Variants in AGAP1 observed in about 807,000 individuals in gnomAD.
The protein encoded by AGAP1 is ArfGAP with GTPase domain, ankyrin repeat and PH domain 1, also known as arf-GAP with GTPase, ANK repeat and PH domain-containing protein 1.
AGAP1 carries 29 observed loss-of-function variants against 105.3 expected under a neutral mutation model. The ratio of observed to expected loss-of-function variants is 0.28; its 90% CI spans 0.21 to 0.38. The LOEUF is 0.38. Among genes scored for constraint, AGAP1 ranks in the 10% least tolerant of loss-of-function variants. The pLI is 1.00. For missense variants in AGAP1, 998 were observed against 1,165.1 expected, an observed-to-expected ratio of 0.86 and a Z score of 2.09; for synonymous variants, 509 against 485.9, an observed-to-expected ratio of 1.05 and a Z score of -0.63.
chr2:235,932,777 G>T (rs375912624), intron 12 of AGAP1, among the ~76,000 whole-genome samples: 4 of 152,160 alleles, frequency 2.6e-5, no homozygotes, highest in African/African-American at 9.7e-5. Context: ...GTACGTATGT[G>T]CAGTGGGCGT....
intron 11 of AGAP1, among the ~76,000 whole-genome samples, chr2:235,913,011 A>G (rs539328199): frequency 3.9e-5 from 6 of 152,232 alleles, no homozygotes; most frequent in Non-Finnish European, 8.8e-5. Context: ...CTCCTTGTAT[A>G]TTTAGGATAT....
chr2:235,932,544 G>A (rs1235080151), intron 12 of AGAP1, among the ~76,000 whole-genome samples: 2 of 152,240 alleles, frequency 1.3e-5, no homozygotes, highest in African/African-American at 2.4e-5. Flanking sequence ...GTGGGGAGAT[G>A]CACGCTGGGC....
intron 1 of AGAP1, among the ~76,000 whole-genome samples, chr2:235,666,413 G>T (rs755484233): frequency 4.6e-5 from 7 of 152,134 alleles, no homozygotes; most frequent in South Asian, 2.1e-4. Context: ...TCGGGAGCAT[G>T]TGTCTTCTTT....
rs78554087 is a variant in AGAP1 at position 235,865,625 on chromosome 2, C to T, written c.1051-17720C>T. 0.029 allele frequency among the ~76,000 whole-genome samples: 4,438 copies of T among 152,168 alleles called. 159 individuals are homozygous for T. Among genetic ancestry groups the T allele is most frequent in the African/African-American group, 0.079 (3,277 of 41,502 alleles). ...TCCCTCCACTGTACAGAAGGAGCTG[C>T]AGAAAAGCCTCCATTTGTAAAATAA... is the stretch of plus-strand genomic sequence containing the variant. On this transcript the variant is annotated intron_variant, in intron 9 of 17. Coordinates refer to ENST00000304032, the MANE Select transcript of AGAP1 (RefSeq NM_001037131.3). The surrounding 1 kb of genome is among the most constrained non-coding windows in gnomAD (Gnocchi z 6.2).
chr2:236,100,768 T>C (rs2059326326), intron 16 of AGAP1, among the ~76,000 whole-genome samples: 1 of 150,538 alleles, frequency 6.6e-6, no homozygotes, highest in South Asian at 2.1e-4. Flanking sequence ...AAGCGGAGGC[T>C]GCAGTGAGCC....
chr2:235,954,254 AAAT>A (rs2125279106), intron 12 of AGAP1, among the ~76,000 whole-genome samples: 1 of 150,074 alleles, frequency 6.7e-6, no homozygotes, highest in South Asian at 2.1e-4. Flanking sequence ...AAAAAAAAAA[AAAT>A]CAGAGGGACA....
intron 1 of AGAP1, among the ~76,000 whole-genome samples, chr2:235,590,715 ATTTTTT>A (rs67076321): frequency 7.4e-5 from 4 of 53,694 alleles, no homozygotes; most frequent in Admixed American, 2.2e-4. Flanking sequence ...GTGTGTGTGC[ATTTTTT>A]TTTTTTTTTT....
intron 1 of AGAP1, among the ~76,000 whole-genome samples, chr2:235,656,446 C>T (rs1201886002): frequency 2.0e-5 from 3 of 152,114 alleles, no homozygotes; most frequent in Non-Finnish European, 2.9e-5. Flanking sequence ...CAACATTTTT[C>T]GATTACCTGC....
At chr2:235,561,680 G>A (rs1944158086) in intron 1 of AGAP1, among the ~76,000 whole-genome samples, 1 of 152,140 alleles carries the variant, frequency 6.6e-6, no homozygotes, top group Non-Finnish European at 1.5e-5. Flanking sequence ...TTCAGTATTT[G>A]GAAAAAGTAT....
At chr2:235,942,006 C>T (rs1440997966) in intron 12 of AGAP1, among the ~76,000 whole-genome samples, 1 of 152,178 alleles carries the variant, frequency 6.6e-6, no homozygotes, top group East Asian at 1.9e-4. Context: ...GAACTCAGCT[C>T]TCTCCCATCC....
intron 13 of AGAP1, among the ~76,000 whole-genome samples, chr2:236,006,640 A>C (rs1297177414): frequency 6.6e-6 from 1 of 152,214 alleles, no homozygotes. Flanking sequence ...CAGGTTGGAA[A>C]ACTGTGGAAA....
chr2:235,765,517 C>G (rs893435900), intron 6 of AGAP1, among the ~76,000 whole-genome samples: 1 of 152,186 alleles, frequency 6.6e-6, no homozygotes, highest in African/African-American at 2.4e-5. Context: ...GGGGGCTCAT[C>G]GGCTCACTGC....
Position 235,824,021 on chromosome 2 carries a change from C to A in AGAP1, c.1050+16690C>A, listed in dbSNP as rs1376771425. ...AACCCAGGTCTGCCTATCCTAAAACCAGTGGTCTTCACATTGAAGGGCCTT... is the reference window on the plus strand; with the variant it reads ...AACCCAGGTCTGCCTATCCTAAAACAAGTGGTCTTCACATTGAAGGGCCTT... On this transcript the variant is annotated intron_variant, in intron 9 of 17. Transcript: ENST00000304032. The surrounding 1 kb of genome is among the most constrained non-coding windows in gnomAD (Gnocchi z 5.2). Among the ~76,000 whole-genome samples the A allele has an allele frequency of 6.6e-6, 1 of 152,206 alleles. No homozygotes were observed. Among genetic ancestry groups the A allele is most frequent in the Non-Finnish European group, 1.5e-5 (1 of 68,038 alleles).
At chr2:235,800,379 G>A (rs944200983) in intron 8 of AGAP1, among the ~76,000 whole-genome samples, 2 of 151,938 alleles carry the variant, frequency 1.3e-5, no homozygotes, top group African/African-American at 4.8e-5. Flanking sequence ...GGGATTACAG[G>A]CATGAGCCAT....
At chr2:235,547,259 G>GA (rs1175552500) in intron 1 of AGAP1, among the ~76,000 whole-genome samples, 3 of 151,894 alleles carry the variant, frequency 2.0e-5, no homozygotes, top group African/African-American at 7.3e-5. Flanking sequence ...AAGGCTTTAA[G>GA]AAATCTCTTT....
At chr2:236,093,927 A>G (rs1444980962) in intron 16 of AGAP1, among the ~76,000 whole-genome samples, 2 of 152,348 alleles carry the variant, frequency 1.3e-5, no homozygotes, top group South Asian at 2.1e-4. Flanking sequence ...AAAACACAAC[A>G]GAACACTTTT....
intron 6 of AGAP1, among the ~76,000 whole-genome samples, chr2:235,795,375 TTGACTCTGTAG>T (rs1957198188): frequency 6.6e-6 from 1 of 152,220 alleles, no homozygotes; most frequent in Non-Finnish European, 1.5e-5. Flanking sequence ...ATTTGCAGCA[TTGACTCTGTAG>T]TCAGTTTGCA....
chr2:236,100,815 G>A (rs1303737131), intron 16 of AGAP1, among the ~76,000 whole-genome samples: 1 of 147,866 alleles, frequency 6.8e-6, no homozygotes, highest in Admixed American at 6.8e-5. Flanking sequence ...GGGCAACACA[G>A]TAAGATTCCC....
At chr2:235,595,349 C>G (rs1227111932) in intron 1 of AGAP1, among the ~76,000 whole-genome samples, 2 of 152,124 alleles carry the variant, frequency 1.3e-5, no homozygotes, top group Non-Finnish European at 2.9e-5. Context: ...TGAAACTGAC[C>G]AGAAGCACAT....
Sources: gnomAD v4.1 joint callset for allele counts (sites outside exome capture counted in the v4.1 genomes callset) on GRCh38, gnomAD v4.1.1 for gene constraint, Gnocchi (gnomAD v3.1) non-coding constraint, MANE v1.5 for transcripts, NCBI Gene and HGNC (gene_info 2026-07-23, HGNC 2026-07-21) for gene names.